Variants in ARFIP1 observed in about 807,000 individuals in gnomAD.
ARFIP1 encodes the protein arfaptin-1.
A neutral mutation model predicts 42.5 loss-of-function variants in ARFIP1; 24 were observed. The ratio of observed to expected loss-of-function variants is 0.57; its 90% CI spans 0.41 to 0.80. ARFIP1 has a LOEUF of 0.80. Ranked by LOEUF, ARFIP1 falls within the 30% of genes least tolerant of loss-of-function variation. ARFIP1 has a pLI of 0.00. For missense variants in ARFIP1, 354 were observed against 434.0 expected, an observed-to-expected ratio of 0.82 and a Z score of 1.64; for synonymous variants, 141 against 153.7, an observed-to-expected ratio of 0.92 and a Z score of 0.61.
chr4:152,825,845 A>G (rs1730792201), intron 1 of ARFIP1, among the ~76,000 whole-genome samples: 1 of 152,224 alleles, frequency 6.6e-6, no homozygotes, highest in African/African-American at 2.4e-5. Flanking sequence ...AAAGTGGGCA[A>G]ATGACATGAC....
chr4:152,900,875 C>A (rs1267801009), intron 8 of ARFIP1, among the ~76,000 whole-genome samples: 2 of 152,190 alleles, frequency 1.3e-5, no homozygotes, highest in Non-Finnish European at 2.9e-5. Context: ...CAGCTACTAT[C>A]CCAATATTTT....
At chr4:152,885,326 C>T (rs1356179597) in intron 7 of ARFIP1, among the ~76,000 whole-genome samples, 11 of 151,974 alleles carry the variant, frequency 7.2e-5, no homozygotes, top group Admixed American at 7.2e-4. Context: ...GCATTGTGTA[C>T]AAGTATTTCC....
chr4:152,855,789 T>A (rs926820831), intron 2 of ARFIP1, among the ~76,000 whole-genome samples: 10 of 152,204 alleles, frequency 6.6e-5, no homozygotes, highest in South Asian at 2.1e-4. Flanking sequence ...TAGCTAGGAT[T>A]GCAAGAGTCC....
rs1014742341 is a variant in ARFIP1 at position 152,911,275 on chromosome 4, C to T, written c.*1056C>T. On this transcript the variant is annotated 3_prime_UTR_variant, in exon 9 of 9. Coordinates refer to ENST00000353617, the MANE Select transcript of ARFIP1 (RefSeq NM_001025595.3). ...GGGTTTCTTTGTACTTGTTAAGCCA[C>T]ATTTGAGGTTTATGGTAAAAATCAT... The T allele has an allele frequency of 6.6e-6, 1 of 152,626 alleles. No individual in the cohort carries two copies. Among genetic ancestry groups the T allele is most frequent in the Non-Finnish European group, 1.5e-5 (1 of 68,034 alleles). The allele number at this position is 152,626 out of a possible 1,614,324, so 9.5% of individuals were successfully genotyped here. A position where few individuals can be genotyped will look rare whatever the true frequency, so the allele number is the denominator to read the frequency against.
rs894077658 is a variant in ARFIP1, at chr4:152,911,538, TC to T, written c.*1320del. 1.3e-5 allele frequency: 2 copies of T among 152,582 alleles called. No individual in the cohort carries two copies. Among genetic ancestry groups the T allele is most frequent in the Non-Finnish European group, 2.9e-5 (2 of 68,024 alleles). The allele number at this position is 152,582 out of a possible 1,614,324, so 9.5% of individuals were successfully genotyped here. A position where few individuals can be genotyped will look rare whatever the true frequency, so the allele number is the denominator to read the frequency against. On this transcript the variant is annotated 3_prime_UTR_variant, in exon 9 of 9. Coordinates refer to ENST00000353617, the MANE Select transcript of ARFIP1 (RefSeq NM_001025595.3). ...GTGTAATCCATTTTCAATGTAAAGC[TC>T]TTTTAGTTTTTGTCATAGACATAAA...
chr4:152,795,724 G>C (rs755539361), intron 1 of ARFIP1, among the ~76,000 whole-genome samples: 6 of 150,104 alleles, frequency 4.0e-5, no homozygotes, highest in Non-Finnish European at 7.4e-5. Flanking sequence ...ATTTTTGCGA[G>C]TCTAATAGAT....
chr4:152,870,880 A>G (rs772972263), intron 4 of ARFIP1, 32 bp downstream of exon 4: 2 of 1,525,308 alleles, frequency 1.3e-6, no homozygotes, highest in East Asian at 2.3e-5. Context: ...TAAAGCACTT[A>G]TTGCTACTGC....
chr4:152,826,753 C>A (rs62319894), intron 1 of ARFIP1, among the ~76,000 whole-genome samples: 1 of 152,122 alleles, frequency 6.6e-6, no homozygotes, highest in East Asian at 1.9e-4. Flanking sequence ...CAGCACTGTT[C>A]ACAATAGCTA....
At chr4:152,815,953 C>T (rs1729850332) in intron 1 of ARFIP1, among the ~76,000 whole-genome samples, 1 of 151,894 alleles carries the variant, frequency 6.6e-6, no homozygotes, top group African/African-American at 2.4e-5. Flanking sequence ...ACCGTTTTAG[C>T]CGGGATGGTC....
intron 3 of ARFIP1, among the ~76,000 whole-genome samples, chr4:152,864,527 G>A (rs1207122372): frequency 6.6e-6 from 1 of 152,194 alleles, no homozygotes; most frequent in Non-Finnish European, 1.5e-5. Flanking sequence ...AATTCCTCCA[G>A]CAGTGAGACT....
At chr4:152,893,081 G>C (rs998742576) in intron 8 of ARFIP1, among the ~76,000 whole-genome samples, 3 of 152,198 alleles carry the variant, frequency 2.0e-5, no homozygotes, top group African/African-American at 7.2e-5. Context: ...GTGCTTTGTA[G>C]ACTTTGTGAG....
intron 1 of ARFIP1, among the ~76,000 whole-genome samples, chr4:152,803,021 T>G (rs1175731063): frequency 6.6e-6 from 1 of 152,152 alleles, no homozygotes; most frequent in Non-Finnish European, 1.5e-5. Context: ...GGGGTTGAAT[T>G]GTCAGGGAGG....
At chr4:152,811,527 G>A (rs1390218818) in intron 1 of ARFIP1, among the ~76,000 whole-genome samples, 1 of 152,132 alleles carries the variant, frequency 6.6e-6, no homozygotes, top group African/African-American at 2.4e-5. Flanking sequence ...AATGTTCATA[G>A]ATATCAAAGT....
intron 2 of ARFIP1, among the ~76,000 whole-genome samples, chr4:152,833,148 A>T (rs115056536): frequency 0.016 from 2,501 of 152,280 alleles, 68 homozygotes; most frequent in African/African-American, 0.056. Flanking sequence ...TATATCTGAT[A>T]AAGTGTTAAT....
chr4:152,847,563 T>A (rs1732663876), intron 2 of ARFIP1, among the ~76,000 whole-genome samples: 1 of 151,968 alleles, frequency 6.6e-6, no homozygotes, highest in Non-Finnish European at 1.5e-5. Context: ...AAAATAAAAA[T>A]AAAATTATTA....
chr4:152,813,433 G>GT (rs776728679), intron 1 of ARFIP1, among the ~76,000 whole-genome samples: 17 of 151,592 alleles, frequency 1.1e-4, no homozygotes, highest in Non-Finnish European at 2.4e-4. Flanking sequence ...TCTACTCTGC[G>GT]TTTTTCCTCT....
chr4:152,838,700 G>A (rs568896382), intron 2 of ARFIP1, among the ~76,000 whole-genome samples: 132 of 152,054 alleles, frequency 8.7e-4, no homozygotes, highest in Non-Finnish European at 1.3e-3. Context: ...TAGGGTTTTC[G>A]AGGTAAACAA....
intron 8 of ARFIP1, among the ~76,000 whole-genome samples, chr4:152,909,301 C>G (rs1009210609): frequency 2.0e-5 from 3 of 152,190 alleles, no homozygotes; most frequent in Non-Finnish European, 4.4e-5. Context: ...ATGAGAATCA[C>G]TTGAACCCTG....
chr4:152,789,776 T>A (rs1246245835), intron 1 of ARFIP1, among the ~76,000 whole-genome samples: 1 of 152,240 alleles, frequency 6.6e-6, no homozygotes, highest in Non-Finnish European at 1.5e-5. Context: ...CTCTTTTAGT[T>A]GGTTCCTGTA....
Sources: gnomAD v4.1 joint callset for allele counts (sites outside exome capture counted in the v4.1 genomes callset) on GRCh38, gnomAD v4.1.1 for gene constraint, MANE v1.5 for transcripts, NCBI Gene and HGNC (gene_info 2026-07-23, HGNC 2026-07-21) for gene names.